Variants in HAT1 observed in about 807,000 individuals in gnomAD.
HAT1 encodes the protein histone acetyltransferase type B catalytic subunit.
In HAT1, 20 loss-of-function variants were observed where a neutral mutation model predicts 56.6. That is an observed-to-expected ratio of 0.35 (90% CI 0.25 to 0.51). HAT1 has a LOEUF of 0.51. HAT1 is among the 20% of genes least tolerant of loss of function. HAT1 has a pLI of 0.95. For synonymous variants in HAT1, 146 were observed against 165.5 expected (o/e 0.88, Z 0.91); for missense variants, 408 against 504.3 (o/e 0.81, Z 1.83).
intron 1 of HAT1, among the ~76,000 whole-genome samples, chr2:171,925,155 C>G (rs1045532858): frequency 4.7e-5 from 7 of 148,182 alleles, no homozygotes; most frequent in Non-Finnish European, 8.9e-5. Flanking sequence ...TCACTGCACC[C>G]TCTGCCTCCT....
At chr2:171,966,030 T>A (rs1362150349) in intron 6 of HAT1, 122 bp downstream of exon 6, 43 of 872,662 alleles carry the variant, frequency 4.9e-5, no homozygotes, top group Non-Finnish European at 7.6e-5. Flanking sequence ...AAAACTATTG[T>A]TTATGAGGCT....
At chr2:171,976,371 C>G in intron 9 of HAT1, 63 bp downstream of exon 9, 4 of 885,346 alleles carry the variant, frequency 4.5e-6, no homozygotes, top group Non-Finnish European at 6.6e-6. Context: ...AAGTGTATAC[C>G]TTAACTAAAA....
Position 171,977,543 on chromosome 2 carries a change from ATATATATATATATATTTTTTTTTTTTTT to A in HAT1, c.975+1237_975+1264del, listed in dbSNP as rs1417342406. 1.9e-3 allele frequency among the ~76,000 whole-genome samples: 27 copies of A among 13,852 alleles called. 2 individuals are homozygous for A. Among genetic ancestry groups the A allele is most frequent in the East Asian group, 0.017 (8 of 482 alleles). 9.1% of individuals were successfully genotyped at this position (13,852 alleles called of 152,430 possible). Reference sequence around the variant, plus strand: ...CATATGAATATATATATATATATATATATATATATATATATTTTTTTTTTTTTTTTTTTTTTAATGGTGCTTTCTTAAA... The same window carrying A: ...CATATGAATATATATATATATATATATTTTTTTTAATGGTGCTTTCTTAAA... On this transcript the variant is annotated intron_variant, in intron 9 of 10. Transcript: ENST00000264108.
intron 5 of HAT1, 36 bp downstream of exon 5, chr2:171,965,553 C>A: frequency 7.5e-7 from 1 of 1,327,668 alleles, no homozygotes. Flanking sequence ...GAGTAAAGTT[C>A]TATTTGCCTG....
intron 10 of HAT1, among the ~76,000 whole-genome samples, chr2:171,981,536 C>G (rs1262019310): frequency 1.3e-5 from 2 of 152,164 alleles, no homozygotes; most frequent in Admixed American, 1.3e-4. Context: ...CCAACTTTTC[C>G]TTCATAGCAT....
At chr2:171,945,703 C>G (rs947457432) in intron 2 of HAT1, among the ~76,000 whole-genome samples, 1 of 151,392 alleles carries the variant, frequency 6.6e-6, no homozygotes, top group African/African-American at 2.4e-5. Context: ...GAGTCTCGCT[C>G]TCTTGGCCAG....
intron 2 of HAT1, among the ~76,000 whole-genome samples, chr2:171,933,569 T>C (rs1686796852): frequency 6.6e-6 from 1 of 152,152 alleles, no homozygotes; most frequent in Non-Finnish European, 1.5e-5. Context: ...AATATTGATA[T>C]AGTTGCATCC....
chr2:171,952,741 C>A, intron 3 of HAT1, 140 bp from the exon 4 acceptor site: 1 of 509,834 alleles, frequency 2.0e-6, no homozygotes, highest in Non-Finnish European at 3.4e-6. Flanking sequence ...AACTGAAGCA[C>A]ATTTTATTGT....
At chr2:171,957,941 C>T (rs6753551) in intron 4 of HAT1, among the ~76,000 whole-genome samples, 27,282 of 152,054 alleles carry the variant, frequency 0.18, 3,463 homozygotes, top group African/African-American at 0.35. Flanking sequence ...TACTGTATGT[C>T]ATAACTTTCC....
At chr2:171,933,157 A>G (rs1231130103) in intron 2 of HAT1, among the ~76,000 whole-genome samples, 2 of 152,116 alleles carry the variant, frequency 1.3e-5, no homozygotes, top group Admixed American at 1.3e-4. Flanking sequence ...TCTTGGCTCA[A>G]GTGACCCTCT....
intron 8 of HAT1, among the ~76,000 whole-genome samples, chr2:171,969,729 T>G: frequency 6.6e-6 from 1 of 152,170 alleles, no homozygotes. Flanking sequence ...AACTGGAAAT[T>G]TTTTTGCATG....
intron 8 of HAT1, among the ~76,000 whole-genome samples, chr2:171,970,432 C>A (rs1687784376): frequency 6.7e-6 from 1 of 148,748 alleles, no homozygotes; most frequent in Non-Finnish European, 1.5e-5. Context: ...CACACACATA[C>A]ACACACACAG....
Position 171,943,375 on chromosome 2 carries a change from C to T in HAT1, c.113-3333C>T, listed in dbSNP as rs1307307564. 5.3e-5 allele frequency among the ~76,000 whole-genome samples: 7 copies of T among 132,846 alleles called. No homozygotes were observed. In the East Asian group the frequency reaches 1.3e-3, roughly 25 times the overall value. The allele number at this position is 132,846 out of a possible 152,430, so 87.2% of individuals were successfully genotyped here. A position where few individuals can be genotyped will look rare whatever the true frequency, so the allele number is the denominator to read the frequency against. ...GCAGTGAGCCGAGATCATGCAATTG[C>T]ACTCCAGCCTGGGCGACAGAGAGAG... is the stretch of plus-strand genomic sequence containing the variant. On this transcript the variant is annotated intron_variant, in intron 2 of 10. Coordinates refer to ENST00000264108, the MANE Select transcript of HAT1 (RefSeq NM_003642.4).
At chr2:171,934,340 G>A (rs1266163575) in intron 2 of HAT1, among the ~76,000 whole-genome samples, 2 of 152,192 alleles carry the variant, frequency 1.3e-5, no homozygotes, top group Non-Finnish European at 2.9e-5. Context: ...CCTTGACAAT[G>A]TAAGAGGGGT....
chr2:171,976,210 CTT>C lies in HAT1; in HGVS notation c.879_880del (p.Cys294SerfsTer17), dbSNP rs1159565200. 1.9e-6 allele frequency: 3 copies of C among 1,595,982 alleles called. No homozygotes were observed. The highest frequency in any genetic ancestry group is 2.6e-6 in the Non-Finnish European group (3 of 1,170,148). On this transcript the variant is annotated frameshift_variant, in exon 9 of 11. Coordinates refer to ENST00000264108, the MANE Select transcript of HAT1 (RefSeq NM_003642.4). LOFTEE classifies it high-confidence loss of function. ...VKLRDFVLVKLCQDLPCFSRE... is the reference protein window; with the variant it reads ...VKLRDFVLVKXCQDLPCFSRE... ...ATTACGAGACTTTGTGCTTGTGAAGCTTTGTCAAGATTTGCCCTGTTTTTCCC... is the reference window on the plus strand; with the variant it reads ...ATTACGAGACTTTGTGCTTGTGAAGCTGTCAAGATTTGCCCTGTTTTTCCC...
At chr2:171,969,803 C>T (rs1687770025) in intron 8 of HAT1, among the ~76,000 whole-genome samples, 1 of 152,044 alleles carries the variant, frequency 6.6e-6, no homozygotes, top group Non-Finnish European at 1.5e-5. Flanking sequence ...TCAACTGTAA[C>T]TCATTTTCCT....
intron 2 of HAT1, among the ~76,000 whole-genome samples, chr2:171,937,404 A>G (rs932234951): frequency 6.6e-6 from 1 of 152,152 alleles, no homozygotes; most frequent in Non-Finnish European, 1.5e-5. Flanking sequence ...ACAGGGACAC[A>G]AAGATTGGAG....
At chr2:171,954,871 A>G (rs1687401517) in intron 4 of HAT1, among the ~76,000 whole-genome samples, 1 of 152,226 alleles carries the variant, frequency 6.6e-6, no homozygotes, top group South Asian at 2.1e-4. Flanking sequence ...ATGTAATGAC[A>G]TGTATCCTAA....
intron 4 of HAT1, among the ~76,000 whole-genome samples, chr2:171,961,301 G>A (rs963939715): frequency 6.6e-6 from 1 of 152,088 alleles, no homozygotes; most frequent in Admixed American, 6.6e-5. Flanking sequence ...CAAGACTCTT[G>A]TCTTAAAAAC....
Sources: gnomAD v4.1 joint callset for allele counts (sites outside exome capture counted in the v4.1 genomes callset) on GRCh38, gnomAD v4.1.1 for gene constraint, MANE v1.5 for transcripts, NCBI Gene and HGNC (gene_info 2026-07-23, HGNC 2026-07-21) for gene names.